Variants in CDH18 observed in about 807,000 individuals in gnomAD.
CDH18 encodes cadherin-18.
A neutral mutation model predicts 67.9 loss-of-function variants in CDH18; 31 were observed. That is an observed-to-expected ratio of 0.46 (90% confidence interval 0.34 to 0.62). The LOEUF is 0.62. CDH18 is among the 20% of genes least tolerant of loss of function. CDH18 has a pLI of 0.01. For synonymous variants in CDH18, 362 were observed against 347.2 expected, an observed-to-expected ratio of 1.04 and a Z score of -0.48; for missense variants, 890 against 975.5, an observed-to-expected ratio of 0.91 and a Z score of 1.17.
At chr5:20,064,262 T>C (rs1322750575) in intron 2 of CDH18, among the ~76,000 whole-genome samples, 1 of 152,132 alleles carries the variant, frequency 6.6e-6, no homozygotes, top group Admixed American at 6.6e-5. Context: ...AGTTAGCTAT[T>C]TGATTTAGGA....
chr5:20,317,539 T>C (rs1425512830), intron 1 of CDH18, among the ~76,000 whole-genome samples: 1 of 152,164 alleles, frequency 6.6e-6, no homozygotes, highest in Non-Finnish European at 1.5e-5. Context: ...CAAAATCATC[T>C]TTCATTGTTT....
chr5:20,367,081 T>C (rs1469473043), intron 1 of CDH18, among the ~76,000 whole-genome samples: 1 of 152,134 alleles, frequency 6.6e-6, no homozygotes, highest in East Asian at 1.9e-4. Context: ...CCTCTTGGCC[T>C]GCTTGAGATT....
chr5:20,014,613 C>T (rs1222299071), intron 2 of CDH18, among the ~76,000 whole-genome samples: 3 of 152,130 alleles, frequency 2.0e-5, no homozygotes, highest in East Asian at 1.9e-4. Flanking sequence ...AAGCCAAAGG[C>T]TAAGCATAAG....
intron 2 of CDH18, among the ~76,000 whole-genome samples, chr5:20,164,998 A>G (rs1365784934): frequency 6.6e-6 from 1 of 152,144 alleles, no homozygotes; most frequent in Non-Finnish European, 1.5e-5. Flanking sequence ...AAATTTGTTC[A>G]TAATTTAACT....
At chr5:20,018,296 A>C (rs976190970) in intron 2 of CDH18, among the ~76,000 whole-genome samples, 7 of 152,192 alleles carry the variant, frequency 4.6e-5, no homozygotes, top group African/African-American at 1.7e-4. Context: ...GTAGAAGTAG[A>C]GTTCGGAATG....
At chr5:20,282,570 G>T (rs1746366799) in intron 1 of CDH18, among the ~76,000 whole-genome samples, 2 of 152,126 alleles carry the variant, frequency 1.3e-5, no homozygotes, top group African/African-American at 4.8e-5. Context: ...AAGCCCACTT[G>T]ATCATGGTGG....
At chr5:20,366,092 G>C (rs907188632) in intron 1 of CDH18, among the ~76,000 whole-genome samples, 3 of 152,084 alleles carry the variant, frequency 2.0e-5, no homozygotes, top group Non-Finnish European at 4.4e-5. Context: ...ATCATCAGAG[G>C]TGATGTAAAT....
At chr5:19,587,394 G>T (rs1744341436) in intron 7 of CDH18, among the ~76,000 whole-genome samples, 1 of 152,070 alleles carries the variant, frequency 6.6e-6, no homozygotes, top group Non-Finnish European at 1.5e-5. Flanking sequence ...TAATACGTAG[G>T]TTTTTCTTCT....
intron 1 of CDH18, among the ~76,000 whole-genome samples, chr5:20,538,898 G>GTTT (rs376091293): frequency 0.012 from 1,293 of 106,646 alleles, 197 homozygotes; most frequent in African/African-American, 0.026. Context: ...ATAGCCAACT[G>GTTT]TTTTTTTTTT....
At chr5:19,626,662 C>A (rs1172654319) in intron 5 of CDH18, among the ~76,000 whole-genome samples, 1 of 151,128 alleles carries the variant, frequency 6.6e-6, no homozygotes, top group Non-Finnish European at 1.5e-5. Context: ...TTGCTGCCCT[C>A]ACAACACTGA....
intron 1 of CDH18, among the ~76,000 whole-genome samples, chr5:20,463,023 T>C (rs1751380556): frequency 6.6e-6 from 1 of 152,076 alleles, no homozygotes; most frequent in African/African-American, 2.4e-5. Flanking sequence ...GTTGAGAAAA[T>C]ATCACTTTGT....
At chr5:19,680,751 A>G (rs1278527867) in intron 5 of CDH18, among the ~76,000 whole-genome samples, 1 of 151,998 alleles carries the variant, frequency 6.6e-6, no homozygotes, top group Non-Finnish European at 1.5e-5. Context: ...AAAAAATTAC[A>G]AAGTCTAAAA....
chr5:20,554,127 T>C (rs1185042523), intron 1 of CDH18, among the ~76,000 whole-genome samples: 3 of 152,118 alleles, frequency 2.0e-5, no homozygotes, highest in Non-Finnish European at 4.4e-5. Flanking sequence ...AGAAAAAAAA[T>C]TCTGTAAAGT....
At chr5:20,568,729 A>T (rs1758650515) in intron 1 of CDH18, among the ~76,000 whole-genome samples, 1 of 152,194 alleles carries the variant, frequency 6.6e-6, no homozygotes, top group Non-Finnish European at 1.5e-5. Flanking sequence ...TCCGAGGACT[A>T]CTAAACATCT....
At chr5:19,574,676 G>A (rs755279101) in intron 7 of CDH18, among the ~76,000 whole-genome samples, 1 of 151,902 alleles carries the variant, frequency 6.6e-6, no homozygotes, top group Non-Finnish European at 1.5e-5. Flanking sequence ...AACTACTCAA[G>A]TACCCATCTT....
intron 2 of CDH18, among the ~76,000 whole-genome samples, chr5:19,932,080 A>G (rs966261014): frequency 5.9e-5 from 9 of 152,000 alleles, no homozygotes; most frequent in Non-Finnish European, 1.2e-4. Context: ...ATGAACTAAA[A>G]GAAAAAGTTG....
Position 20,215,721 on chromosome 5 carries a change from AC to A in CDH18, c.-518+39722del, listed in dbSNP as rs1416071991. On this transcript the variant is annotated intron_variant, in intron 2 of 14. Transcript: ENST00000507958. The stretch of plus-strand genomic sequence containing the variant: ...TCATAATATCAGAGACATGAAATCA[AC>A]CTAAATACCCATAAGTGGCAGACTG... 5.3e-5 allele frequency among the ~76,000 whole-genome samples: 8 copies of A among 151,962 alleles called. 1 individual carries two copies. Among genetic ancestry groups the A allele is most frequent in the Admixed American group, 5.3e-4 (8 of 15,204 alleles).
At chr5:19,913,456 A>C (rs1325782219) in intron 2 of CDH18, among the ~76,000 whole-genome samples, 1 of 152,180 alleles carries the variant, frequency 6.6e-6, no homozygotes, top group Non-Finnish European at 1.5e-5. Context: ...CCAAGGTTGT[A>C]AATTTTCAGT....
intron 2 of CDH18, among the ~76,000 whole-genome samples, chr5:20,229,153 C>T (rs1231752492): frequency 6.6e-6 from 1 of 151,724 alleles, no homozygotes; most frequent in Non-Finnish European, 1.5e-5. Flanking sequence ...CTGCCAAGAC[C>T]CTGAAGCCTT....
Sources: allele counts gnomAD v4.1 joint callset (sites outside exome capture counted in the v4.1 genomes callset), GRCh38; gene constraint gnomAD v4.1.1; transcripts MANE v1.5; gene names NCBI Gene and HGNC (gene_info 2026-07-23, HGNC 2026-07-21).